Variants in PTCH1 observed in about 807,000 individuals in gnomAD.
PTCH1 encodes protein patched homolog 1.
A neutral mutation model predicts 144.6 loss-of-function variants in PTCH1; 14 were observed. The ratio of observed to expected loss-of-function variants is 0.10; its 90% CI spans 0.06 to 0.15. The LOEUF (loss-of-function observed/expected upper bound fraction) is 0.15. PTCH1 is among the 10% of genes least tolerant of loss of function. PTCH1 has a pLI of 1.00. For synonymous variants in PTCH1, 833 were observed against 793.6 expected (o/e 1.05, Z -0.83); for missense variants, 1,623 against 1,948.3 (o/e 0.83, Z 3.14).
intron 2 of PTCH1, among the ~76,000 whole-genome samples, chr9:95,493,660 G>C (rs938151611): frequency 6.6e-6 from 1 of 152,166 alleles, no homozygotes; most frequent in Admixed American, 6.5e-5. Flanking sequence ...ACAGCCTCTA[G>C]AGAGATTTTC....
rs2118265517 is a variant in PTCH1, at chr9:95,476,191, G to A, written c.1603-32C>T. 1 of 1,601,020 alleles carries A rather than the reference G, an allele frequency of 6.2e-7. No homozygotes were observed. The highest frequency in any genetic ancestry group is 8.5e-7 in the Non-Finnish European group (1 of 1,174,986). On this transcript the variant is annotated intron_variant, in intron 11 of 23. Transcript: ENST00000331920. The surrounding 1 kb of genome is among the most constrained non-coding windows in gnomAD (Gnocchi z 4.6). ...ATAAAAAAACACAGCGCTGAGAGCT[G>A]CACTGGACATGGTCCCCTTGGAGCA...
chr9:95,461,241 G>A lies in PTCH1; in HGVS notation c.2703+615C>T, dbSNP rs542967888. 2.0e-5 allele frequency among the ~76,000 whole-genome samples: 3 copies of A among 152,218 alleles called. No homozygotes were observed. In the South Asian group the frequency reaches 6.2e-4, roughly 32 times the overall value. On this transcript the variant is annotated intron_variant, in intron 16 of 23. Coordinates refer to ENST00000331920, the MANE Select transcript of PTCH1 (RefSeq NM_000264.5). ...AAGTGGAGAATATGATTCCCAAACA[G>A]AAACGGTTATTACTGCAGGAGTGAG...
chr9:95,447,410 C>T lies in PTCH1; in HGVS notation c.3846G>A (p.Pro1282=), dbSNP rs754412168. The change falls in exon 23 of 24, where the codon CCG becomes CCA. Residue 1282 remains proline (P), a synonymous_variant. Transcript: ENST00000331920. The part of the protein sequence containing the change: ...PESRHHPPSN[P]RQQPHLDSGS... ...CTGAGTCCAGGTGGGGCTGCTGTCT[C>T]GGGTTCGAGGGTGGGTGATGCCTGG... 22 of 1,606,196 alleles carry T rather than the reference C, an allele frequency of 1.4e-5. No individual in the cohort carries two copies. Among genetic ancestry groups the T allele is most frequent in the African/African-American group, 5.4e-5 (4 of 74,588 alleles).
At chr9:95,450,155 CAA>C (rs1838339239) in intron 20 of PTCH1, 3 of 594,306 alleles carry the variant, frequency 5.0e-6, no homozygotes, top group South Asian at 3.9e-5. Flanking sequence ...TTCCACAACC[CAA>C]AGTGTTAGTT....
exon 1 of PTCH1, chr9:95,516,474 C>T (rs890228737): frequency 1.3e-6 from 2 of 1,524,244 alleles, no homozygotes; most frequent in African/African-American, 2.8e-5. Context: ...CTCACCATAG[C>T]CGGCCGTCAA....
At chr9:95,461,207 T>C (rs1839426910) in intron 16 of PTCH1, among the ~76,000 whole-genome samples, 1 of 152,052 alleles carries the variant, frequency 6.6e-6, no homozygotes, top group Admixed American at 6.5e-5. Context: ...AGCAAGAAGA[T>C]GCAAACACAA....
At position 95,508,165 on chromosome 9, in the gene PTCH1, G is replaced by A. The variant is rs1025299062; in HGVS notation, c.197C>T (p.Ser66Phe). The A allele has an allele frequency of 6.2e-7, 1 of 1,612,620 alleles. No individual in the cohort carries two copies. The highest frequency in any genetic ancestry group is 8.5e-7 in the Non-Finnish European group (1 of 1,179,778). The change falls in exon 1 of 24, where the codon TCC becomes TTC. Residue 66 changes from serine (S) to phenylalanine (F), a missense_variant. By Grantham distance (155) the Ser-to-Phe change is radical. Around this residue, in one of 7 missense-constraint regions of PTCH1, gnomAD observed 245 missense variants for 240.6 expected, o/e 1.02. Coordinates refer to ENST00000331920, the MANE Select transcript of PTCH1 (RefSeq NM_000264.5). ...CDAAFALEQI[S>F]KGKATGRKAP... ...AGGAGAGAGTCTGAAATGCACCTTG[G>A]AAATCTGCTCCAGAGCGAAGGCGGC...
In PTCH1 at chr9:95,468,999, A is replaced by G. The variant is rs1564033766; in HGVS notation, c.2002T>C (p.Tyr668His). Residue 668 changes from tyrosine to histidine, a missense_variant, in exon 14 of 24, where the codon TAC (tyrosine) becomes CAC (histidine). By Grantham distance (83) the Tyr-to-His change is moderately conservative. Around this residue, in one of 7 missense-constraint regions of PTCH1, gnomAD observed 179 missense variants for 165.7 expected, o/e 1.08. Transcript: ENST00000331920. ...MQSTVQLRTE[Y>H]DPHTHVYYTT... The stretch of plus-strand genomic sequence containing the variant: ...TAGTACACGTGCGTGTGGGGGTCGT[A>G]CTCCGTGCGGAGCTGGACAGTGGAC... The G allele has an allele frequency of 6.2e-7, 1 of 1,613,574 alleles. No individual in the cohort carries two copies. Among genetic ancestry groups the G allele is most frequent in the Non-Finnish European group, 8.5e-7 (1 of 1,179,960 alleles).
chr9:95,506,288 G>T (rs1386645135), intron 2 of PTCH1, 119 bp downstream of exon 2: 68 of 1,181,830 alleles, frequency 5.8e-5, no homozygotes, highest in Non-Finnish European at 8.0e-5. Context: ...AATCCCCCGG[G>T]TGCGGGCAGG....
Position 95,506,496 on chromosome 9 carries a change from A to G in PTCH1, c.305T>C (p.Leu102Ser), listed in dbSNP as rs2118877305. The G allele has an allele frequency of 6.2e-7, 1 of 1,613,690 alleles. No homozygotes were observed. Among genetic ancestry groups the G allele is most frequent in the Non-Finnish European group, 8.5e-7 (1 of 1,179,786 alleles). Reference protein sequence around the residue: ...CYIQKNCGKFLVVGLLIFGAF... With the variant: ...CYIQKNCGKFSVVGLLIFGAF... ...CCCAAATATGAGGAGGCCCACAACCAAGAACTTGCCGCAGTTTTTTTGAAT... is the reference window on the plus strand; with the variant it reads ...CCCAAATATGAGGAGGCCCACAACCGAGAACTTGCCGCAGTTTTTTTGAAT... The change falls in exon 2 of 24, where the codon TTG becomes TCG. Residue 102 changes from leucine (L) to serine (S), a missense_variant. By Grantham distance (145) the Leu-to-Ser change is moderately radical (BLOSUM62 -2). This residue lies in a region of PTCH1 where 245 missense variants were observed against 240.6 expected (regional missense o/e 1.02). Transcript: ENST00000331920.
intron 1 of PTCH1, chr9:95,507,834 G>T (rs1843828383): frequency 4.3e-6 from 4 of 923,278 alleles, no homozygotes; most frequent in Non-Finnish European, 5.7e-6. Context: ...TGCCGCGGCC[G>T]CCCTTGAGGT....
intron 2 of PTCH1, among the ~76,000 whole-genome samples, chr9:95,488,425 T>C (rs1335487369): frequency 6.6e-6 from 1 of 152,220 alleles, no homozygotes; most frequent in Non-Finnish European, 1.5e-5. Flanking sequence ...ACCTATGCCA[T>C]ATATACTATT....
At chr9:95,459,207 C>T (rs772341280) in intron 17 of PTCH1, among the ~76,000 whole-genome samples, 1 of 152,134 alleles carries the variant, frequency 6.6e-6, no homozygotes, top group African/African-American at 2.4e-5. Flanking sequence ...ACCCAATGTG[C>T]CAAAAATCCC....
Position 95,449,798 on chromosome 9 carries a change from T to C in PTCH1, c.3549+43A>G. Reference sequence around the variant, plus strand: ...GAAGAGCGGCACAGGAAACACAGCATTCAGCCGGCCTACACGTGGGACATC... The same window carrying C: ...GAAGAGCGGCACAGGAAACACAGCACTCAGCCGGCCTACACGTGGGACATC... On this transcript the variant is annotated intron_variant, in intron 21 of 23. Coordinates refer to ENST00000331920, the MANE Select transcript of PTCH1 (RefSeq NM_000264.5). This position sits in a 1 kb window ranked among gnomAD's most constrained non-coding sequence, Gnocchi z 5.3. 6.5e-7 allele frequency: 1 copy of C among 1,540,140 alleles called. No homozygotes were observed. Among genetic ancestry groups the C allele is most frequent in the African/African-American group, 1.4e-5 (1 of 73,224 alleles).
In PTCH1 at chr9:95,449,181, A is replaced by G. The variant is rs182045135; in HGVS notation, c.3692T>C (p.Val1231Ala). Residue 1231 changes from valine (V) to alanine (A), a missense_variant, in exon 22 of 24, where the codon GTG (valine) becomes GCG (alanine). By Grantham distance (64) the Val-to-Ala change is moderately conservative (BLOSUM62 0). Around this residue, in one of 7 missense-constraint regions of PTCH1, gnomAD observed 504 missense variants for 679.3 expected, o/e 0.74. Transcript: ENST00000331920. The surrounding 1 kb of genome is among the most constrained non-coding windows in gnomAD (Gnocchi z 5.3). Reference protein sequence around the residue: ...SDSEYSSQTTVSGLSEELRHY... With the variant: ...SDSEYSSQTTASGLSEELRHY... The stretch of plus-strand genomic sequence containing the variant: ...CCGAAGCTCCTCGCTGAGGCCTGAC[A>G]CTGTCGTCTGGGAACTATACTCCGA... 1,258 of 1,612,384 alleles carry G rather than the reference A, an allele frequency of 7.8e-4. 4 individuals carry two copies. Among genetic ancestry groups the G allele is most frequent in the East Asian group, 6.5e-4 (29 of 44,844 alleles).
At chr9:95,512,392 C>T (rs1306556936), upstream of PTCH1, among the ~76,000 whole-genome samples, 1 of 136,642 alleles carries the variant, frequency 7.3e-6, no homozygotes, top group African/African-American at 2.6e-5. Context: ...CCCCACCCGC[C>T]GCTTCCCCTG....
chr9:95,447,957 C>A (rs1838113593), intron 22 of PTCH1, among the ~76,000 whole-genome samples: 1 of 152,224 alleles, frequency 6.6e-6, no homozygotes, highest in Non-Finnish European at 1.5e-5. Flanking sequence ...GTAGCCCCGG[C>A]CACATTTCAA....
chr9:95,516,809 A>G (rs370763486), exon 1 of PTCH1: 41 of 1,608,928 alleles, frequency 2.5e-5, no homozygotes, highest in Non-Finnish European at 3.3e-5. Flanking sequence ...TGTTTCTATT[A>G]AGCAGTTCCA....
chr9:95,447,419 G>A lies in PTCH1; in HGVS notation c.3837C>T (p.Pro1279=), dbSNP rs1263941339. The A allele has an allele frequency of 1.9e-6, 3 of 1,602,862 alleles. No individual in the cohort carries two copies. The highest frequency in any genetic ancestry group is 3.4e-5 in the Admixed American group (2 of 58,860). The change falls in exon 23 of 24, where the codon CCC becomes CCT. Residue 1279 remains proline, a synonymous_variant. Transcript: ENST00000331920. The part of the protein sequence containing the change: ...VVHPESRHHP[P]SNPRQQPHLD... Reference sequence around the variant, plus strand: ...GGTGGGGCTGCTGTCTCGGGTTCGAGGGTGGGTGATGCCTGGATTCGGGAT... The same window carrying A: ...GGTGGGGCTGCTGTCTCGGGTTCGAAGGTGGGTGATGCCTGGATTCGGGAT...
Sources: allele counts gnomAD v4.1 joint callset (sites outside exome capture counted in the v4.1 genomes callset), GRCh38; gene constraint gnomAD v4.1.1; regional missense constraint gnomAD v4.1.1; non-coding constraint Gnocchi (gnomAD v3.1); transcripts MANE v1.5; gene names NCBI Gene and HGNC (gene_info 2026-07-23, HGNC 2026-07-21).